The following BACH1 variants were observed in gnomAD, a reference collection of about 807,000 sequenced individuals.
The protein encoded by BACH1 is transcription regulator protein BACH1.
Under a neutral mutation model 52.9 loss-of-function variants are expected in BACH1, and 35 were observed. The ratio of observed to expected loss-of-function variants is 0.66; its 90% CI spans 0.51 to 0.88. BACH1 has a LOEUF of 0.88. Ranked by LOEUF, BACH1 falls within the 40% of genes least tolerant of loss-of-function variation. The pLI is 0.00. For synonymous variants in BACH1, 321 were observed against 319.6 expected, an observed-to-expected ratio of 1.00 and a Z score of -0.05; for missense variants, 808 against 872.6, an observed-to-expected ratio of 0.93 and a Z score of 0.93.
intron 2 of BACH1, chr21:29,359,370 A>G (rs2089257607): frequency 6.7e-6 from 1 of 149,952 alleles, no homozygotes; most frequent in Admixed American, 6.7e-5. Context: ...GATGCTAAAC[A>G]TGAAAGCAAG....
At chr21:29,341,593 A>G (rs554731577) in intron 4 of BACH1, among the ~76,000 whole-genome samples, 2 of 152,234 alleles carry the variant, frequency 1.3e-5, no homozygotes, top group African/African-American at 2.4e-5. Flanking sequence ...AGACTTTCTT[A>G]TAGGGGTAAT....
rs2088915741 is a variant in BACH1, at chr21:29,326,670, T to C, written c.846T>C (p.Ser282=). 1 of 1,614,082 alleles carries C rather than the reference T, an allele frequency of 6.2e-7. No homozygotes were observed. Residue 282 remains serine (S), a synonymous_variant, in exon 3 of 5, where the codon AGT becomes AGC. Transcript: ENST00000286800. ...DLQVMLKCDE[S]KLAMEPEETK... ...AGGTGATGTTAAAATGTGACGAAAG[T>C]AAATTAGCAATGGAACCTGAAGAAA...
chr21:29,334,678 A>T (rs752793789), intron 4 of BACH1, among the ~76,000 whole-genome samples: 2 of 152,220 alleles, frequency 1.3e-5, no homozygotes, highest in Non-Finnish European at 2.9e-5. Context: ...CTTGTAAGTG[A>T]TCAGCAATCA....
intron 4 of BACH1, among the ~76,000 whole-genome samples, chr21:29,341,253 T>C (rs1220683637): frequency 1.3e-5 from 2 of 152,238 alleles, no homozygotes; most frequent in Non-Finnish European, 2.9e-5. Context: ...AGATTAGCAC[T>C]ATGAACTAAC....
At chr21:29,334,202 A>G (rs973447372) in intron 4 of BACH1, among the ~76,000 whole-genome samples, 4 of 151,546 alleles carry the variant, frequency 2.6e-5, no homozygotes, top group South Asian at 4.2e-4. Flanking sequence ...GGTTCACACC[A>G]TTCACCTGCC....
chr21:29,358,658 T>G (rs1192846062), intron 2 of BACH1, among the ~76,000 whole-genome samples: 1 of 151,872 alleles, frequency 6.6e-6, no homozygotes, highest in African/African-American at 2.4e-5. Flanking sequence ...GAGGATTGCT[T>G]GACCTCAGGA....
chr21:29,339,538 A>G (rs891690609), intron 4 of BACH1, among the ~76,000 whole-genome samples: 4 of 150,288 alleles, frequency 2.7e-5, no homozygotes, highest in Non-Finnish European at 5.9e-5. Flanking sequence ...CTATATCTTT[A>G]TTGGGTGAGT....
Position 29,326,174 on chromosome 21 carries a change from A to G in BACH1, c.350A>G (p.Asn117Ser). 6.2e-7 allele frequency: 1 copy of G among 1,614,230 alleles called. No homozygotes were observed. The highest frequency in any genetic ancestry group is 8.5e-7 in the Non-Finnish European group (1 of 1,180,036). Reference protein sequence around the residue: ...CKCVEFLSVHNIEESCFQFLK... With the variant: ...CKCVEFLSVHSIEESCFQFLK... ...TGTGTGGAGTTTTTAAGTGTACATAATATTGAGGAATCCTGCTTTCAGTTT... is the reference window on the plus strand; with the variant it reads ...TGTGTGGAGTTTTTAAGTGTACATAGTATTGAGGAATCCTGCTTTCAGTTT... Residue 117 changes from asparagine (N) to serine (S), a missense_variant, in exon 3 of 5, where the codon AAT (asparagine) becomes AGT (serine). Transcript: ENST00000286800.
At chr21:29,348,218 G>T (rs920424937), downstream of BACH1, among the ~76,000 whole-genome samples, 1 of 152,164 alleles carries the variant, frequency 6.6e-6, no homozygotes, top group Non-Finnish European at 1.5e-5. Context: ...AGCTGGAGTT[G>T]TCTTTAAGAG....
At chr21:29,301,823 A>G (rs897077464) in intron 1 of BACH1, among the ~76,000 whole-genome samples, 4 of 152,190 alleles carry the variant, frequency 2.6e-5, no homozygotes, top group Non-Finnish European at 4.4e-5. Flanking sequence ...CTTAAGATTA[A>G]TAAGACGACA....
rs1019191953 is a variant in BACH1 at position 29,312,089 on chromosome 21, A to G, written c.-60-9132A>G. Among the ~76,000 whole-genome samples, 4 of 152,226 alleles carry G rather than the reference A, an allele frequency of 2.6e-5. No homozygotes were observed. The East Asian group carries it at 5.8e-4, about 22-fold the overall frequency. On this transcript the variant is annotated intron_variant, in intron 1 of 4. Coordinates refer to ENST00000286800, the MANE Select transcript of BACH1 (RefSeq NM_001186.4). ...TTTATGTCCTTACTTGTGCTCCCTG[A>G]TAACAACTCTGTCCTCATCTTCAGC... is the stretch of plus-strand genomic sequence containing the variant.
rs753377049 is a variant in BACH1, at chr21:29,342,839, C to T, written c.*6C>T. On this transcript the variant is annotated 3_prime_UTR_variant, in exon 5 of 5. Transcript: ENST00000286800. ...AATGTACTACTGATGAGTAAACTTG[C>T]ATTCACTTCCTTCAAACCATCTAAT... 3.2e-6 allele frequency: 5 copies of T among 1,567,680 alleles called. No individual in the cohort carries two copies. The East Asian group carries it at 1.1e-4, about 36-fold the overall frequency.
At chr21:29,336,717 T>G (rs2089049458) in intron 4 of BACH1, among the ~76,000 whole-genome samples, 1 of 152,008 alleles carries the variant, frequency 6.6e-6, no homozygotes, top group South Asian at 2.1e-4. Flanking sequence ...TAGGCTGGAG[T>G]GTGGAGTGCA....
At chr21:29,354,262 G>A (rs1051638799) in intron 2 of BACH1, among the ~76,000 whole-genome samples, 1 of 152,210 alleles carries the variant, frequency 6.6e-6, no homozygotes, top group African/African-American at 2.4e-5. Flanking sequence ...CATGTGGTGA[G>A]TCAGGAGAGG....
Position 29,310,170 on chromosome 21 carries a change from T to G in BACH1, c.-60-11051T>G, listed in dbSNP as rs150765483. 1.1e-3 allele frequency among the ~76,000 whole-genome samples: 174 copies of G among 152,374 alleles called. 1 individual carries two copies. The highest frequency in any genetic ancestry group is 3.4e-3 in the Middle Eastern group (1 of 294). The stretch of plus-strand genomic sequence containing the variant: ...TATCTGCTGATGACTGTAGGAAATA[T>G]CTACTCTAAAGGGGGAAAATGTAAT... On this transcript the variant is annotated intron_variant, in intron 1 of 4. Transcript: ENST00000286800.
At position 29,303,863 on chromosome 21, in the gene BACH1, C is replaced by G. The variant is rs186856725; in HGVS notation, c.-61+4910C>G. Among the ~76,000 whole-genome samples the G allele has an allele frequency of 1.2e-4, 19 of 152,170 alleles. No homozygotes were observed. The East Asian group carries it at 3.7e-3, about 29-fold the overall frequency. Reference sequence around the variant, plus strand: ...TAATAAAAAACTGCCCTGAAGCAAACGTGAGGAAGAAGAAATAGTGGTAGC... The same window carrying G: ...TAATAAAAAACTGCCCTGAAGCAAAGGTGAGGAAGAAGAAATAGTGGTAGC... On this transcript the variant is annotated intron_variant, in intron 1 of 4. Transcript: ENST00000286800.
chr21:29,326,948 C>T lies in BACH1; in HGVS notation c.1124C>T (p.Thr375Ile), dbSNP rs748721077. 3 of 1,614,150 alleles carry T rather than the reference C, an allele frequency of 1.9e-6. No individual in the cohort carries two copies. Among genetic ancestry groups the T allele is most frequent in the Non-Finnish European group, 1.7e-6 (2 of 1,180,024 alleles). The change falls in exon 3 of 5, where the codon ACC becomes ATC. Residue 375 changes from threonine (T) to isoleucine (I), a missense_variant. Coordinates refer to ENST00000286800, the MANE Select transcript of BACH1 (RefSeq NM_001186.4). ...QDLPLKSDLG[T>I]REDSSVASSD... ...TTACCTTTGAAATCCGACTTGGGCA[C>T]CAGGGAAGATAGTAGTGTTGCATCT...
At chr21:29,357,881 C>T (rs902576160) in intron 2 of BACH1, among the ~76,000 whole-genome samples, 2 of 152,284 alleles carry the variant, frequency 1.3e-5, no homozygotes, top group South Asian at 2.1e-4. Context: ...ATGGGTAACT[C>T]GTTCCCCATA....
intron 4 of BACH1, among the ~76,000 whole-genome samples, chr21:29,330,732 C>G (rs1002168093): frequency 4.6e-5 from 7 of 152,034 alleles, no homozygotes; most frequent in Non-Finnish European, 1.0e-4. Flanking sequence ...GGCAAGTTTT[C>G]AAGCGTGAAC....
Sources: allele counts gnomAD v4.1 joint callset (sites outside exome capture counted in the v4.1 genomes callset), GRCh38; gene constraint gnomAD v4.1.1; transcripts MANE v1.5; gene names NCBI Gene and HGNC (gene_info 2026-07-23, HGNC 2026-07-21).